Variants in MVB12B observed in about 807,000 individuals in gnomAD.
The protein encoded by MVB12B is multivesicular body subunit 12B.
Under a neutral mutation model 41.6 loss-of-function variants are expected in MVB12B, and 16 were observed. That is an observed-to-expected ratio of 0.38 (90% confidence interval 0.26 to 0.58). The LOEUF is 0.58. Among genes scored for constraint, MVB12B ranks in the 20% least tolerant of loss-of-function variants. The pLI is 0.62. For synonymous variants in MVB12B, 133 were observed against 139.7 expected, an observed-to-expected ratio of 0.95 and a Z score of 0.34; for missense variants, 274 against 380.2, an observed-to-expected ratio of 0.72 and a Z score of 2.32.
At chr9:126,502,452 C>T (rs547033363) in intron 9 of MVB12B, among the ~76,000 whole-genome samples, 49 of 152,296 alleles carry the variant, frequency 3.2e-4, no homozygotes, top group Non-Finnish European at 6.0e-4. Context: ...GAGCCAGGGT[C>T]GGTTAGGTGA....
chr9:126,356,664 G>A (rs763419457), intron 2 of MVB12B, among the ~76,000 whole-genome samples: 19 of 152,066 alleles, frequency 1.2e-4, no homozygotes, highest in South Asian at 6.2e-4. Context: ...GTAATCCCCC[G>A]TGGTAGAAGT....
In MVB12B at chr9:126,367,377, T is replaced by C. The variant is rs1313838620; in HGVS notation, c.205-13687T>C. Among the ~76,000 whole-genome samples the C allele has an allele frequency of 1.3e-5, 2 of 152,102 alleles. No homozygotes were observed. Among genetic ancestry groups the C allele is most frequent in the African/African-American group, 4.8e-5 (2 of 41,420 alleles). On this transcript the variant is annotated intron_variant, in intron 2 of 9. Coordinates refer to ENST00000361171, the MANE Select transcript of MVB12B (RefSeq NM_033446.3). The surrounding 1 kb of genome is among the most constrained non-coding windows in gnomAD (Gnocchi z 4.3). The stretch of plus-strand genomic sequence containing the variant: ...GTCTGCTCTCTCTCTCTCATCCGCG[T>C]GGCCAGTGGTCCAGCCAACCCCACG...
chr9:126,457,956 A>G (rs1295167841), intron 7 of MVB12B, among the ~76,000 whole-genome samples: 3 of 152,198 alleles, frequency 2.0e-5, no homozygotes, highest in Non-Finnish European at 4.4e-5. Context: ...GTCTGGCAAA[A>G]GACGATTTGG....
At chr9:126,481,124 CTT>C in intron 7 of MVB12B, 1 of 533,332 alleles carries the variant, frequency 1.9e-6, no homozygotes, top group Non-Finnish European at 3.3e-6. Flanking sequence ...TCCTAGAGCT[CTT>C]GTCTACACAA....
At position 126,486,445 on chromosome 9, in the gene MVB12B, G is replaced by A. The variant is rs1472315815; in HGVS notation, c.873+2413G>A. On this transcript the variant is annotated intron_variant, in intron 9 of 9. Coordinates refer to ENST00000361171, the MANE Select transcript of MVB12B (RefSeq NM_033446.3). This position sits in a 1 kb window ranked among gnomAD's most constrained non-coding sequence, Gnocchi z 4.7. Reference sequence around the variant, plus strand: ...CACTGACATACCTCCAGACCAGCCCGCTCCACTGTGGACAGGGGCAAGTCA... The same window carrying A: ...CACTGACATACCTCCAGACCAGCCCACTCCACTGTGGACAGGGGCAAGTCA... Among the ~76,000 whole-genome samples, 2 of 152,184 alleles carry A rather than the reference G, an allele frequency of 1.3e-5. No individual in the cohort carries two copies. Among genetic ancestry groups the A allele is most frequent in the African/African-American group, 4.8e-5 (2 of 41,458 alleles).
At chr9:126,443,129 T>G (rs1832681340) in intron 7 of MVB12B, among the ~76,000 whole-genome samples, 1 of 152,172 alleles carries the variant, frequency 6.6e-6, no homozygotes, top group African/African-American at 2.4e-5. Flanking sequence ...TTGGGAGAGC[T>G]CAGGGATTTT....
Position 126,469,965 on chromosome 9 carries a change from A to T in MVB12B, c.758-11404A>T, listed in dbSNP as rs77253193. Among the ~76,000 whole-genome samples the T allele has an allele frequency of 4.8e-3, 725 of 152,328 alleles. 5 individuals carry two copies. The highest frequency in any genetic ancestry group is 0.017 in the African/African-American group (702 of 41,558). On this transcript the variant is annotated intron_variant, in intron 7 of 9. Coordinates refer to ENST00000361171, the MANE Select transcript of MVB12B (RefSeq NM_033446.3). ...TGAGCCTCTCTTTTCTAAACTGTGG[A>T]AGAAAGACAATAACAATACCTGGAC...
chr9:126,371,432 G>C (rs1184658760), intron 2 of MVB12B, among the ~76,000 whole-genome samples: 1 of 152,204 alleles, frequency 6.6e-6, no homozygotes, highest in Admixed American at 6.5e-5. Flanking sequence ...GGCTCCCTTC[G>C]GCCATCAGGA....
intron 7 of MVB12B, among the ~76,000 whole-genome samples, chr9:126,464,303 C>T (rs1392050036): frequency 6.6e-6 from 1 of 152,170 alleles, no homozygotes; most frequent in Non-Finnish European, 1.5e-5. Context: ...GATCCCACAG[C>T]AAGGAGAAAG....
At chr9:126,427,948 CT>C (rs955262439) in intron 7 of MVB12B, among the ~76,000 whole-genome samples, 5 of 53,474 alleles carry the variant, frequency 9.4e-5, no homozygotes, top group African/African-American at 1.6e-4. Context: ...CTGCCTTCAG[CT>C]TTTTTTCTTT....
intron 9 of MVB12B, among the ~76,000 whole-genome samples, chr9:126,490,531 G>C (rs2119220646): frequency 6.6e-6 from 1 of 152,318 alleles, no homozygotes; most frequent in South Asian, 2.1e-4. Context: ...TCCCTTCCAG[G>C]AGTGCCACCA....
intron 7 of MVB12B, among the ~76,000 whole-genome samples, chr9:126,433,265 C>T (rs12350420): frequency 0.51 from 76,470 of 148,958 alleles, 19,504 homozygotes; most frequent in South Asian, 0.55. Context: ...CCTCCCAGCC[C>T]CTTCTCAGAT....
intron 7 of MVB12B, among the ~76,000 whole-genome samples, chr9:126,451,422 T>G (rs1832885914): frequency 6.6e-6 from 1 of 151,800 alleles, no homozygotes; most frequent in Admixed American, 6.6e-5. Context: ...CAGGGACAGG[T>G]CAGGGGTACT....
chr9:126,500,122 C>A (rs949528564), intron 9 of MVB12B, among the ~76,000 whole-genome samples: 2 of 152,180 alleles, frequency 1.3e-5, no homozygotes, highest in Non-Finnish European at 2.9e-5. Context: ...GCTGCAATCG[C>A]CCTTAACCTG....
At position 126,504,405 on chromosome 9, in the gene MVB12B, A is replaced by T. The variant is rs944257987; in HGVS notation, c.*1142A>T. 3 of 152,298 alleles carry T rather than the reference A, an allele frequency of 2.0e-5. No individual in the cohort carries two copies. Among genetic ancestry groups the T allele is most frequent in the African/African-American group, 7.2e-5 (3 of 41,466 alleles). The allele number at this position is 152,298 out of a possible 1,614,324, so 9.4% of individuals were successfully genotyped here. On this transcript the variant is annotated 3_prime_UTR_variant, in exon 10 of 10. Transcript: ENST00000361171. ...GTGTCAGGCACTGGGCTGTGTCCTG[A>T]TTCCTCAGAGTATGGGGACCTGACA... is the stretch of plus-strand genomic sequence containing the variant.
At chr9:126,343,013 A>G (rs1043497106) in intron 2 of MVB12B, among the ~76,000 whole-genome samples, 1 of 152,240 alleles carries the variant, frequency 6.6e-6, no homozygotes, top group African/African-American at 2.4e-5. Flanking sequence ...CGAGTTAGGC[A>G]CCAGATGGAC....
chr9:126,488,474 CAG>C (rs1268519082), intron 9 of MVB12B, among the ~76,000 whole-genome samples: 1 of 152,138 alleles, frequency 6.6e-6, no homozygotes, highest in Non-Finnish European at 1.5e-5. Context: ...GATTCCCAGA[CAG>C]GGTGGAGAGC....
Position 126,342,993 on chromosome 9 carries a change from C to T in MVB12B, c.204+2363C>T, listed in dbSNP as rs151157450. Among the ~76,000 whole-genome samples, 16 of 152,306 alleles carry T rather than the reference C, an allele frequency of 1.1e-4. No individual in the cohort carries two copies. The East Asian group carries it at 1.9e-3, about 18-fold the overall frequency. On this transcript the variant is annotated intron_variant, in intron 2 of 9. Coordinates refer to ENST00000361171, the MANE Select transcript of MVB12B (RefSeq NM_033446.3). ...CAGAGCCCGTTAAGTACTGCCACCA[C>T]GCAGCCCTGCGAGTTAGGCACCAGA...
Position 126,459,965 on chromosome 9 carries a change from G to A in MVB12B, c.758-21404G>A, listed in dbSNP as rs895652448. Among the ~76,000 whole-genome samples, 1 of 152,328 alleles carries A rather than the reference G, an allele frequency of 6.6e-6. No homozygotes were observed. Among genetic ancestry groups the A allele is most frequent in the African/African-American group, 2.4e-5 (1 of 41,570 alleles). ...CCTGCGATTTGGGGCATGTGCTTTG[G>A]ACTTTGAATTTGAGGCTCCCATTTG... On this transcript the variant is annotated intron_variant, in intron 7 of 9. Transcript: ENST00000361171. The surrounding 1 kb of genome is among the most constrained non-coding windows in gnomAD (Gnocchi z 4.3).
Sources: allele counts gnomAD v4.1 joint callset (sites outside exome capture counted in the v4.1 genomes callset), GRCh38; gene constraint gnomAD v4.1.1; non-coding constraint Gnocchi (gnomAD v3.1); transcripts MANE v1.5; gene names NCBI Gene and HGNC (gene_info 2026-07-23, HGNC 2026-07-21).